The following SPEF2 variants were observed in gnomAD, a reference collection of about 807,000 sequenced individuals.
SPEF2 encodes sperm flagella and cilia-associated protein 2.
SPEF2 carries 187 observed loss-of-function variants against 224.6 expected under a neutral mutation model. That is an observed-to-expected ratio of 0.83 (90% CI 0.74 to 0.94). The LOEUF (loss-of-function observed/expected upper bound fraction) is 0.94. Ranked by LOEUF, SPEF2 falls within the 40% of genes least tolerant of loss-of-function variation. SPEF2 has a pLI of 0.00. For synonymous variants in SPEF2, 715 were observed against 707.3 expected (o/e 1.01, Z -0.17); for missense variants, 2,170 against 2,135.6 (o/e 1.02, Z -0.32).
At chr5:35,703,960 A>G (rs1456855705) in intron 16 of SPEF2, among the ~76,000 whole-genome samples, 1 of 151,836 alleles carries the variant, frequency 6.6e-6, no homozygotes, top group Non-Finnish European at 1.5e-5. Flanking sequence ...CCTCTTTATG[A>G]TTTTTTATTT....
chr5:35,694,062 T>C (rs1031825629), intron 12 of SPEF2, among the ~76,000 whole-genome samples: 6 of 152,212 alleles, frequency 3.9e-5, no homozygotes, highest in Non-Finnish European at 8.8e-5. Context: ...ACAGATTACA[T>C]CACAGGTTGC....
At chr5:35,708,703 AC>A (rs1740480511) in intron 18 of SPEF2, among the ~76,000 whole-genome samples, 1 of 150,438 alleles carries the variant, frequency 6.6e-6, no homozygotes, top group Non-Finnish European at 1.5e-5. Flanking sequence ...CACCATCACC[AC>A]CACTACCCAT....
At chr5:35,717,875 C>T (rs181159602) in intron 20 of SPEF2, among the ~76,000 whole-genome samples, 151 of 152,242 alleles carry the variant, frequency 9.9e-4, no homozygotes, top group Non-Finnish European at 1.3e-3. Context: ...AGGATAAGGA[C>T]GAAGACCGAT....
At chr5:35,637,331 A>G (rs2149391460) in intron 2 of SPEF2, among the ~76,000 whole-genome samples, 1 of 152,262 alleles carries the variant, frequency 6.6e-6, no homozygotes, top group South Asian at 2.1e-4. Flanking sequence ...TTAAGGAGGA[A>G]CCGATTTTTG....
chr5:35,641,497 G>T lies in SPEF2; in HGVS notation c.228G>T (p.Gln76His). 1 of 1,613,818 alleles carries T rather than the reference G, an allele frequency of 6.2e-7. No homozygotes were observed. The highest frequency in any genetic ancestry group is 8.5e-7 in the Non-Finnish European group (1 of 1,179,830). Residue 76 changes from glutamine (Q) to histidine (H), a missense_variant, in exon 3 of 37, where the codon CAG (glutamine) becomes CAT (histidine). By Grantham distance (24) the Gln-to-His change is conservative. Coordinates refer to ENST00000356031, the MANE Select transcript of SPEF2 (RefSeq NM_024867.4). ...CAACACTTAACCTTCTGGGTGTGCAGTTTGATCAGAATGTGGCCCATGGCA... is the reference window on the plus strand; with the variant it reads ...CAACACTTAACCTTCTGGGTGTGCATTTTGATCAGAATGTGGCCCATGGCA... ...LEPTLNLLGV[Q>H]FDQNVAHGII...
At chr5:35,715,109 G>T (rs1052635161) in intron 20 of SPEF2, among the ~76,000 whole-genome samples, 1 of 151,930 alleles carries the variant, frequency 6.6e-6, no homozygotes, top group African/African-American at 2.4e-5. Flanking sequence ...TAGAGATGGG[G>T]TTTCAGCATG....
At chr5:35,639,209 C>T (rs1561112767) in intron 2 of SPEF2, among the ~76,000 whole-genome samples, 1 of 152,136 alleles carries the variant, frequency 6.6e-6, no homozygotes, top group Non-Finnish European at 1.5e-5. Flanking sequence ...TTGTCATATA[C>T]TACAAAGGAC....
chr5:35,709,778 G>A lies in SPEF2; in HGVS notation c.2839+657G>A, dbSNP rs569608861. 8.1e-6 allele frequency: 8 copies of A among 985,326 alleles called. No homozygotes were observed. The East Asian group carries it at 7.9e-4, about 98-fold the overall frequency. The allele number at this position is 985,326 out of a possible 1,614,324, so 61.0% of individuals were successfully genotyped here. A position where few individuals can be genotyped will look rare whatever the true frequency, so the allele number is the denominator to read the frequency against. ...ATGAATATAATGACAAAAGTGAAGT[G>A]CTTAATTGTTGTAATGCATGATATT... On this transcript the variant is annotated intron_variant, in intron 19 of 36. Transcript: ENST00000356031.
intron 16 of SPEF2, among the ~76,000 whole-genome samples, chr5:35,704,216 T>C (rs992693898): frequency 4.5e-5 from 6 of 134,008 alleles, no homozygotes; most frequent in Non-Finnish European, 9.8e-5. Context: ...TTCATCTTAA[T>C]TTTTACATCA....
At chr5:35,747,306 A>C (rs1241091775) in intron 23 of SPEF2, among the ~76,000 whole-genome samples, 1 of 152,218 alleles carries the variant, frequency 6.6e-6, no homozygotes, top group East Asian at 1.9e-4. Flanking sequence ...CAGGCAACAA[A>C]GAGCATGATG....
At chr5:35,747,569 C>T (rs1748745296) in intron 23 of SPEF2, among the ~76,000 whole-genome samples, 1 of 152,054 alleles carries the variant, frequency 6.6e-6, no homozygotes, top group African/African-American at 2.4e-5. Flanking sequence ...TAAAGCAACA[C>T]CAGTTAAAAG....
At chr5:35,741,051 G>A (rs1363381659) in intron 23 of SPEF2, among the ~76,000 whole-genome samples, 2 of 152,168 alleles carry the variant, frequency 1.3e-5, no homozygotes, top group African/African-American at 4.8e-5. Flanking sequence ...TACTTATTGA[G>A]CATCTATTAT....
chr5:35,665,595 C>T (rs1750361228), intron 8 of SPEF2, among the ~76,000 whole-genome samples: 2 of 152,034 alleles, frequency 1.3e-5, no homozygotes, highest in South Asian at 4.1e-4. Flanking sequence ...TAAATATTTC[C>T]ATGTGTTTCA....
rs1747041874 is a variant in SPEF2 at position 35,644,342 on chromosome 5, T to C, written c.415-13T>C. ...TCTCTAATAAAATCTTTTGAAATGCTTTTTTCATTTAGAGACTTAGACACA... is the reference window on the plus strand; with the variant it reads ...TCTCTAATAAAATCTTTTGAAATGCCTTTTTCATTTAGAGACTTAGACACA... On this transcript the variant is annotated splice_polypyrimidine_tract_variant and intron_variant, in intron 3 of 36. Coordinates refer to ENST00000356031, the MANE Select transcript of SPEF2 (RefSeq NM_024867.4). The C allele has an allele frequency of 6.7e-7, 1 of 1,489,060 alleles. No individual in the cohort carries two copies. Among genetic ancestry groups the C allele is most frequent in the Non-Finnish European group, 9.0e-7 (1 of 1,115,264 alleles). The allele number at this position is 1,489,060 out of a possible 1,614,324, so 92.2% of individuals were successfully genotyped here.
intron 23 of SPEF2, among the ~76,000 whole-genome samples, chr5:35,742,307 C>T (rs957310952): frequency 6.6e-6 from 1 of 152,094 alleles, no homozygotes; most frequent in Non-Finnish European, 1.5e-5. Context: ...CTGTTGACCA[C>T]ATCCTTAATT....
chr5:35,753,828 T>C, intron 24 of SPEF2, 67 bp downstream of exon 24: 2 of 1,590,782 alleles, frequency 1.3e-6, no homozygotes, highest in Non-Finnish European at 1.7e-6. Flanking sequence ...GTCCTTCATA[T>C]GACACTTTCT....
Position 35,727,833 on chromosome 5 carries a change from T to C in SPEF2, c.3063+10T>C. ...TGAACCAGTTCCTGAGGTATGGCCA[T>C]TTAGAATCAAGCTGGCAGAATTCAT... On this transcript the variant is annotated intron_variant, in intron 21 of 36. Transcript: ENST00000356031. The C allele has an allele frequency of 6.2e-7, 1 of 1,605,648 alleles. No homozygotes were observed.
chr5:35,780,212 T>G (rs1449035536), intron 30 of SPEF2, among the ~76,000 whole-genome samples: 5 of 152,216 alleles, frequency 3.3e-5, no homozygotes, highest in Non-Finnish European at 7.3e-5. Context: ...TTATTACTTT[T>G]CCCTGTAGCA....
Position 35,748,535 on chromosome 5 carries a change from C to G in SPEF2, c.3331-5089C>G, listed in dbSNP as rs1210531973. Among the ~76,000 whole-genome samples, 4 of 152,104 alleles carry G rather than the reference C, an allele frequency of 2.6e-5. No individual in the cohort carries two copies. In the East Asian group the frequency reaches 7.7e-4, roughly 29 times the overall value. On this transcript the variant is annotated intron_variant, in intron 23 of 36. Transcript: ENST00000356031. ...AAATACAAAAGATCATTCAAGGCTA[C>G]TATGAACACCTTTACACACATAAAC...
Sources: allele counts gnomAD v4.1 joint callset (sites outside exome capture counted in the v4.1 genomes callset), GRCh38; gene constraint gnomAD v4.1.1; transcripts MANE v1.5; gene names NCBI Gene and HGNC (gene_info 2026-07-23, HGNC 2026-07-21).